The following RFX8 variants were observed in gnomAD, a reference collection of about 807,000 sequenced individuals.
The protein encoded by RFX8 is DNA-binding protein RFX8.
In RFX8, 46 loss-of-function variants were observed where a neutral mutation model predicts 54.6. The ratio of observed to expected loss-of-function variants is 0.84; its 90% CI spans 0.67 to 1.08. The LOEUF (loss-of-function observed/expected upper bound fraction) is 1.08, where lower values mean the gene tolerates loss of function less well. Ranked by LOEUF, RFX8 falls within the 50% of genes least tolerant of loss-of-function variation. The pLI is 0.00. For synonymous variants in RFX8, 192 were observed against 209.5 expected (o/e 0.92, Z 0.72); for missense variants, 536 against 562.3 (o/e 0.95, Z 0.47).
intron 2 of RFX8, among the ~76,000 whole-genome samples, chr2:101,453,270 C>A (rs1432870640): frequency 3.7e-5 from 5 of 136,004 alleles, no homozygotes; most frequent in Non-Finnish European, 8.1e-5. Flanking sequence ...GAGCAAGACT[C>A]TGTCTCAAAA....
At chr2:101,412,832 A>G in intron 8 of RFX8, 83 bp downstream of exon 8, 1 of 1,301,142 alleles carries the variant, frequency 7.7e-7, no homozygotes, top group East Asian at 2.5e-5. Context: ...CCCTATTAAG[A>G]AATTCATGAG....
chr2:101,473,151 G>C (rs768429750), intron 1 of RFX8, among the ~76,000 whole-genome samples: 23 of 152,204 alleles, frequency 1.5e-4, no homozygotes, highest in Non-Finnish European at 3.1e-4. Context: ...ACCATTTGAA[G>C]TGAGTTCACA....
At chr2:101,465,082 G>C (rs773740213) in intron 2 of RFX8, among the ~76,000 whole-genome samples, 100 of 152,248 alleles carry the variant, frequency 6.6e-4, no homozygotes, top group Non-Finnish European at 1.2e-3. Context: ...CCAGCTACTG[G>C]GAAAAGCTTA....
chr2:101,419,479 G>A (rs1686732325), intron 4 of RFX8, among the ~76,000 whole-genome samples: 1 of 152,236 alleles, frequency 6.6e-6, no homozygotes, highest in African/African-American at 2.4e-5. Context: ...AAAGACTTAT[G>A]TGGACTACTT....
Position 101,397,469 on chromosome 2 carries a change from A to AGG in RFX8, c.*78_*79insCC. 1.1e-6 allele frequency: 1 copy of AGG among 934,046 alleles called. No homozygotes were observed. Among genetic ancestry groups the AGG allele is most frequent in the Non-Finnish European group, 1.6e-6 (1 of 642,838 alleles). 57.9% of individuals were successfully genotyped at this position (934,046 alleles called of 1,614,324 possible). A position where few individuals can be genotyped will look rare whatever the true frequency, so the allele number is the denominator to read the frequency against. On this transcript the variant is annotated 3_prime_UTR_variant, in exon 12 of 12. Coordinates refer to ENST00000428343, the MANE Select transcript of RFX8 (RefSeq NM_001145664.2). ...TATATACATAACATCATCTTTCGTC[A>AGG]ATAGAAAAACTTTAGTATTTAATAT...
At chr2:101,427,200 G>A (rs1288005665) in intron 2 of RFX8, among the ~76,000 whole-genome samples, 1 of 152,096 alleles carries the variant, frequency 6.6e-6, no homozygotes, top group Non-Finnish European at 1.5e-5. Flanking sequence ...AAATGTCCAC[G>A]TCCTAATCCC....
At chr2:101,458,412 C>T (rs1167268956) in intron 2 of RFX8, among the ~76,000 whole-genome samples, 1 of 152,174 alleles carries the variant, frequency 6.6e-6, no homozygotes, top group African/African-American at 2.4e-5. Flanking sequence ...CTCGTGGTGA[C>T]AAAATCTCTC....
At chr2:101,450,896 C>T (rs574061979) in intron 2 of RFX8, among the ~76,000 whole-genome samples, 13 of 152,278 alleles carry the variant, frequency 8.5e-5, no homozygotes, top group African/African-American at 3.1e-4. Context: ...TTGAAATAGG[C>T]TTGTGGAGGC....
At chr2:101,421,037 A>G (rs1373056436) in intron 4 of RFX8, among the ~76,000 whole-genome samples, 1 of 152,232 alleles carries the variant, frequency 6.6e-6, no homozygotes, top group Non-Finnish European at 1.5e-5. Flanking sequence ...CATTGCATCA[A>G]TAGGACAGGG....
intron 1 of RFX8, among the ~76,000 whole-genome samples, chr2:101,472,198 T>G (rs1690040256): frequency 6.6e-6 from 1 of 152,152 alleles, no homozygotes; most frequent in Non-Finnish European, 1.5e-5. Context: ...CCTCCCAGGT[T>G]CAAGCGATTC....
intron 11 of RFX8, 42 bp downstream of exon 11, chr2:101,402,394 C>T (rs1272260677): frequency 2.1e-6 from 3 of 1,454,816 alleles, no homozygotes; most frequent in Non-Finnish European, 2.8e-6. Flanking sequence ...GCTCTTATTC[C>T]CCTTGAAACA....
intron 8 of RFX8, among the ~76,000 whole-genome samples, chr2:101,412,630 T>C (rs1481291927): frequency 6.6e-6 from 1 of 152,144 alleles, no homozygotes; most frequent in Non-Finnish European, 1.5e-5. Context: ...AGATAAATAC[T>C]GTCAAGCAGC....
At chr2:101,441,330 G>A (rs537022544) in intron 2 of RFX8, among the ~76,000 whole-genome samples, 22 of 152,294 alleles carry the variant, frequency 1.4e-4, no homozygotes, top group African/African-American at 5.1e-4. Flanking sequence ...TTAAGAGGTA[G>A]GTGATTTGGT....
Position 101,402,895 on chromosome 2 carries a change from G to A in RFX8, c.929-143C>T, listed in dbSNP as rs561512820. 10 of 729,972 alleles carry A rather than the reference G, an allele frequency of 1.4e-5. No individual in the cohort carries two copies. The South Asian group carries it at 1.5e-4, about 11-fold the overall frequency. The allele number at this position is 729,972 out of a possible 1,614,324, so 45.2% of individuals were successfully genotyped here. A position where few individuals can be genotyped will look rare whatever the true frequency, so the allele number is the denominator to read the frequency against. ...AGCTTACCCAGAAGAGGCCTGGGTC[G>A]GCCTCTTACGTAGCATCCATCAGTA... On this transcript the variant is annotated intron_variant, in intron 10 of 11. Transcript: ENST00000428343.
chr2:101,448,762 T>G (rs1688528727), intron 2 of RFX8, among the ~76,000 whole-genome samples: 1 of 152,222 alleles, frequency 6.6e-6, no homozygotes, highest in Non-Finnish European at 1.5e-5. Flanking sequence ...ATAATTCATT[T>G]TAATTTATTG....
At chr2:101,418,748 A>G (rs1686683613) in intron 5 of RFX8, 103 bp downstream of exon 5, 6 of 732,140 alleles carry the variant, frequency 8.2e-6, no homozygotes, top group African/African-American at 1.7e-5. Context: ...CACTCCTCAG[A>G]GGACCATGGA....
At chr2:101,421,336 C>T (rs760187875) in intron 4 of RFX8, 19 of 992,274 alleles carry the variant, frequency 1.9e-5, no homozygotes, top group Non-Finnish European at 2.2e-5. Context: ...CACTCAGCTG[C>T]GAAGTCCTGC....
intron 2 of RFX8, among the ~76,000 whole-genome samples, chr2:101,449,904 T>G (rs924664452): frequency 6.6e-6 from 1 of 151,902 alleles, no homozygotes; most frequent in African/African-American, 2.4e-5. Flanking sequence ...GGGGGTTGGA[T>G]GACACAGTCC....
intron 2 of RFX8, among the ~76,000 whole-genome samples, chr2:101,455,056 C>T (rs371885100): frequency 1.6e-4 from 24 of 146,852 alleles, no homozygotes; most frequent in East Asian, 9.9e-4. Flanking sequence ...CTCTTGTTGC[C>T]GTGGAGTGCA....
Sources: allele counts gnomAD v4.1 joint callset (sites outside exome capture counted in the v4.1 genomes callset), GRCh38; gene constraint gnomAD v4.1.1; transcripts MANE v1.5; gene names NCBI Gene and HGNC (gene_info 2026-07-23, HGNC 2026-07-21).